SPON1: variants seen among roughly 807,000 people sequenced by gnomAD.
SPON1 encodes the protein spondin 1, also known as spondin-1.
In SPON1, 52 loss-of-function variants were observed where a neutral mutation model predicts 111.7. That is an observed-to-expected ratio of 0.47 (90% CI 0.37 to 0.59). The LOEUF (loss-of-function observed/expected upper bound fraction) is 0.59, where lower values mean the gene tolerates loss of function less well. Ranked by LOEUF, SPON1 falls within the 20% of genes least tolerant of loss-of-function variation. SPON1 has a pLI of 0.00. For missense variants in SPON1, 957 were observed against 1,068.5 expected, an observed-to-expected ratio of 0.90 and a Z score of 1.46; for synonymous variants, 410 against 395.8, an observed-to-expected ratio of 1.04 and a Z score of -0.43.
At chr11:13,983,045 A>C in intron 2 of SPON1, 92 bp downstream of exon 2, 1 of 849,664 alleles carries the variant, frequency 1.2e-6, no homozygotes, top group Non-Finnish European at 1.9e-6. Context: ...CTTCCCATGC[A>C]GTCCCTTGAC....
intron 2 of SPON1, among the ~76,000 whole-genome samples, chr11:13,990,392 T>C (rs1554910977): frequency 1.1e-4 from 13 of 113,526 alleles, no homozygotes; most frequent in African/African-American, 4.3e-4. Context: ...TTTTTTTTTT[T>C]TTTTTTTTTT....
At chr11:14,152,947 C>T (rs1847804735) in intron 6 of SPON1, among the ~76,000 whole-genome samples, 3 of 152,014 alleles carry the variant, frequency 2.0e-5, no homozygotes, top group African/African-American at 7.3e-5. Context: ...ACCCCAAATT[C>T]GAGTAAATAT....
intron 2 of SPON1, among the ~76,000 whole-genome samples, chr11:14,035,649 A>C: frequency 7.0e-6 from 1 of 142,686 alleles, no homozygotes. Flanking sequence ...ACAGGGTCTC[A>C]CTCTGTCACC....
intron 5 of SPON1, among the ~76,000 whole-genome samples, chr11:14,121,723 CATCT>C (rs1297587344): frequency 6.6e-6 from 1 of 152,080 alleles, no homozygotes; most frequent in African/African-American, 2.4e-5. Flanking sequence ...TCTGTATTTC[CATCT>C]GTTTTCATTT....
chr11:14,184,094 C>G (rs1171871408), intron 6 of SPON1, among the ~76,000 whole-genome samples: 2 of 152,162 alleles, frequency 1.3e-5, no homozygotes, highest in South Asian at 4.1e-4. Context: ...AACATTCAAC[C>G]GAACAATAAT....
At chr11:14,067,905 T>C (rs535502297) in intron 3 of SPON1, among the ~76,000 whole-genome samples, 1 of 152,324 alleles carries the variant, frequency 6.6e-6, no homozygotes, top group South Asian at 2.1e-4. Flanking sequence ...CACTCTCCTG[T>C]CAGGTGGGCA....
chr11:14,253,471 G>GT (rs1849073654), intron 7 of SPON1, among the ~76,000 whole-genome samples: 1 of 152,262 alleles, frequency 6.6e-6, no homozygotes, highest in Non-Finnish European at 1.5e-5. Flanking sequence ...ACACACAGCT[G>GT]TAACAGGTGA....
At chr11:14,151,553 C>T (rs1847788161) in intron 6 of SPON1, among the ~76,000 whole-genome samples, 1 of 152,036 alleles carries the variant, frequency 6.6e-6, no homozygotes, top group Non-Finnish European at 1.5e-5. Context: ...TGCTACAGAC[C>T]CCAGCACAGA....
intron 5 of SPON1, among the ~76,000 whole-genome samples, chr11:14,128,812 C>A (rs1554927260): frequency 6.6e-6 from 1 of 152,228 alleles, no homozygotes; most frequent in African/African-American, 2.4e-5. Context: ...GGCAGAGGTC[C>A]CCAAACCTCA....
At chr11:14,156,178 T>C (rs1337460857) in intron 6 of SPON1, among the ~76,000 whole-genome samples, 1 of 135,072 alleles carries the variant, frequency 7.4e-6, no homozygotes, top group Non-Finnish European at 1.7e-5. Context: ...TTTTTAATGA[T>C]TGCCATTCTA....
intron 3 of SPON1, among the ~76,000 whole-genome samples, chr11:14,069,372 A>G (rs1200777034): frequency 6.6e-6 from 1 of 152,168 alleles, no homozygotes; most frequent in Non-Finnish European, 1.5e-5. Context: ...TAGATCCAAT[A>G]TGCTATAAGT....
At chr11:14,104,274 G>A (rs1849168202) in intron 5 of SPON1, among the ~76,000 whole-genome samples, 1 of 150,820 alleles carries the variant, frequency 6.6e-6, no homozygotes, top group African/African-American at 2.4e-5. Flanking sequence ...TTTAACCCTA[G>A]TCCGCTTAGG....
Position 14,267,680 on chromosome 11 carries a change from T to C in SPON1, c.*1993T>C, listed in dbSNP as rs1465602921. On this transcript the variant is annotated 3_prime_UTR_variant, in exon 16 of 16. Transcript: ENST00000576479. ...GGGTAACATGACTCTTGTTGGATTG[T>C]TATTTTTTGTTTGCAATGGGGAATT... The C allele has an allele frequency of 6.6e-6, 1 of 152,244 alleles. No homozygotes were observed. Among genetic ancestry groups the C allele is most frequent in the Admixed American group, 6.5e-5 (1 of 15,278 alleles). 9.4% of individuals were successfully genotyped at this position (152,244 alleles called of 1,614,324 possible). A position where few individuals can be genotyped will look rare whatever the true frequency, so the allele number is the denominator to read the frequency against.
intron 6 of SPON1, among the ~76,000 whole-genome samples, chr11:14,211,348 A>T (rs1848574948): frequency 6.6e-6 from 1 of 151,334 alleles, no homozygotes; most frequent in South Asian, 2.1e-4. Context: ...AGACAAACAG[A>T]AAGCCAAATC....
In SPON1 at chr11:14,259,374, G is replaced by T. The variant is rs781989054; in HGVS notation, c.1587G>T (p.Lys529Asn). The part of the protein sequence containing the change: ...MGMRSRERYV[K>N]QFPEDGSVCT... ...TGAGGTCCCGGGAGAGGTATGTGAA[G>T]CAGTTCCCGGAGGACGGCTCCGTGT... Residue 529 changes from lysine to asparagine, a missense_variant, in exon 12 of 16, where the codon AAG becomes AAT. Lys to Asn is a moderately conservative substitution (Grantham distance 94). Coordinates refer to ENST00000576479, the MANE Select transcript of SPON1 (RefSeq NM_006108.4). This position sits in a 1 kb window ranked among gnomAD's most constrained non-coding sequence, Gnocchi z 5.0. 1.2e-6 allele frequency: 2 copies of T among 1,612,458 alleles called. No individual in the cohort carries two copies. The highest frequency in any genetic ancestry group is 1.1e-5 in the South Asian group (1 of 90,514).
intron 6 of SPON1, among the ~76,000 whole-genome samples, chr11:14,211,701 G>C (rs1848578829): frequency 6.6e-6 from 1 of 152,140 alleles, no homozygotes; most frequent in Non-Finnish European, 1.5e-5. Context: ...TAGTAATGTA[G>C]TATATATGAA....
intron 2 of SPON1, among the ~76,000 whole-genome samples, chr11:13,991,523 G>A (rs1848230356): frequency 6.6e-6 from 1 of 152,270 alleles, no homozygotes; most frequent in African/African-American, 2.4e-5. Flanking sequence ...GTTAGAACAT[G>A]CTCCTTTAGC....
chr11:14,038,978 G>T (rs1470646707), intron 2 of SPON1, among the ~76,000 whole-genome samples: 2 of 152,192 alleles, frequency 1.3e-5, no homozygotes, highest in African/African-American at 2.4e-5. Flanking sequence ...TGGATAAACT[G>T]TGGTACTTTC....
intron 6 of SPON1, among the ~76,000 whole-genome samples, chr11:14,240,589 TTGTGTGTGTGTGTG>T (rs56265194): frequency 2.5e-4 from 35 of 140,344 alleles, no homozygotes; most frequent in African/African-American, 6.4e-4. Flanking sequence ...AGAAGCAATA[TTGTGTGTGTGTGTG>T]TGTGTGTGTG....
Sources: allele counts gnomAD v4.1 joint callset (sites outside exome capture counted in the v4.1 genomes callset), GRCh38; gene constraint gnomAD v4.1.1; non-coding constraint Gnocchi (gnomAD v3.1); transcripts MANE v1.5; gene names NCBI Gene and HGNC (gene_info 2026-07-23, HGNC 2026-07-21).